The following DLG1 variants were observed in gnomAD, a reference collection of about 807,000 sequenced individuals.
DLG1 encodes the protein disks large homolog 1.
DLG1 carries 42 observed loss-of-function variants against 123.4 expected under a neutral mutation model. That is an observed-to-expected ratio of 0.34 (90% CI 0.27 to 0.44). The LOEUF is 0.44. Ranked by LOEUF, DLG1 falls within the 20% of genes least tolerant of loss-of-function variation. The pLI, the probability that DLG1 is intolerant of heterozygous loss-of-function variation, is 1.00. For missense variants in DLG1, 942 were observed against 1,082.6 expected (o/e 0.87, Z 1.82); for synonymous variants, 317 against 356.2 (o/e 0.89, Z 1.24).
At chr3:197,201,090 A>G (rs1044697904) in intron 4 of DLG1, among the ~76,000 whole-genome samples, 4 of 152,214 alleles carry the variant, frequency 2.6e-5, no homozygotes, top group African/African-American at 7.2e-5. Context: ...AAAAAACTCT[A>G]AAGACTCCAC....
chr3:197,272,725 A>C (rs1425408247), intron 4 of DLG1, among the ~76,000 whole-genome samples: 3 of 151,952 alleles, frequency 2.0e-5, no homozygotes, highest in Admixed American at 6.5e-5. Context: ...AAGAAAAAAG[A>C]AGCACACAAG....
chr3:197,225,335 A>G (rs1372910777), intron 4 of DLG1, among the ~76,000 whole-genome samples: 1 of 152,236 alleles, frequency 6.6e-6, no homozygotes, highest in Non-Finnish European at 1.5e-5. Flanking sequence ...TATAGAACAC[A>G]TTACTAAATT....
chr3:197,140,293 T>G (rs1787316718), intron 7 of DLG1, 29 bp from the exon 8 acceptor site: 2 of 1,607,610 alleles, frequency 1.2e-6, no homozygotes, highest in South Asian at 2.2e-5. Flanking sequence ...AAATTGAGAC[T>G]GAATATGATT....
intron 4 of DLG1, among the ~76,000 whole-genome samples, chr3:197,233,616 C>T (rs1384209693): frequency 1.3e-5 from 2 of 152,164 alleles, no homozygotes; most frequent in Non-Finnish European, 2.9e-5. Flanking sequence ...AACCCCTGAC[C>T]TTGGGTGATC....
chr3:197,169,399 T>TG (rs1407668177), intron 5 of DLG1, among the ~76,000 whole-genome samples: 1 of 152,108 alleles, frequency 6.6e-6, no homozygotes, highest in Non-Finnish European at 1.5e-5. Context: ...ATGGTGGTAA[T>TG]GGACATATGA....
intron 5 of DLG1, among the ~76,000 whole-genome samples, chr3:197,175,664 A>C (rs563949097): frequency 1.3e-5 from 2 of 152,338 alleles, no homozygotes; most frequent in Admixed American, 1.3e-4. Context: ...AATATTTATC[A>C]AGTGCATTCT....
intron 4 of DLG1, among the ~76,000 whole-genome samples, chr3:197,217,486 T>C (rs1360160540): frequency 6.6e-6 from 1 of 152,182 alleles, no homozygotes; most frequent in African/African-American, 2.4e-5. Flanking sequence ...ATATTTCATG[T>C]TCATGTAGGG....
At chr3:197,264,408 G>C (rs1045328218) in intron 4 of DLG1, among the ~76,000 whole-genome samples, 1 of 152,058 alleles carries the variant, frequency 6.6e-6, no homozygotes, top group African/African-American at 2.4e-5. Context: ...ATACTCGTTG[G>C]AGCATTTCAG....
At chr3:197,248,534 G>C (rs565721249) in intron 4 of DLG1, among the ~76,000 whole-genome samples, 1 of 152,284 alleles carries the variant, frequency 6.6e-6, no homozygotes, top group African/African-American at 2.4e-5. Flanking sequence ...TTCTCAGCAA[G>C]GCAAATTTCA....
intron 8 of DLG1, among the ~76,000 whole-genome samples, chr3:197,139,172 T>C (rs930416235): frequency 5.3e-5 from 8 of 152,146 alleles, no homozygotes; most frequent in Non-Finnish European, 1.2e-4. Context: ...GTCTCTTTGA[T>C]TGCATGGTAT....
intron 14 of DLG1, among the ~76,000 whole-genome samples, chr3:197,097,857 G>A (rs1268362027): frequency 6.6e-6 from 1 of 151,672 alleles, no homozygotes; most frequent in African/African-American, 2.4e-5. Context: ...TGGAATTATA[G>A]GCGTGAGCCA....
At chr3:197,245,375 T>C (rs886111985) in intron 4 of DLG1, among the ~76,000 whole-genome samples, 3 of 152,196 alleles carry the variant, frequency 2.0e-5, no homozygotes, top group African/African-American at 7.2e-5. Context: ...CACCAGTAGA[T>C]ACTTTAGGCG....
intron 13 of DLG1, among the ~76,000 whole-genome samples, chr3:197,114,487 TGA>T (rs1306699400): frequency 3.9e-4 from 60 of 152,200 alleles, no homozygotes; most frequent in African/African-American, 1.4e-3. Flanking sequence ...AATTCTAGAT[TGA>T]ACTAACTTTT....
At chr3:197,160,555 AT>A (rs1413771286) in intron 5 of DLG1, among the ~76,000 whole-genome samples, 4 of 152,026 alleles carry the variant, frequency 2.6e-5, no homozygotes, top group African/African-American at 9.7e-5. Flanking sequence ...TTATGACTTA[AT>A]TTTTAATTAT....
chr3:197,171,674 GAA>G (rs1355011063), intron 5 of DLG1, among the ~76,000 whole-genome samples: 1 of 152,084 alleles, frequency 6.6e-6, no homozygotes, highest in African/African-American at 2.4e-5. Context: ...CCTCCATTAT[GAA>G]AAGACAGTAT....
chr3:197,242,248 A>G (rs926156388), intron 4 of DLG1, among the ~76,000 whole-genome samples: 1 of 152,160 alleles, frequency 6.6e-6, no homozygotes, highest in African/African-American at 2.4e-5. Context: ...GCAAGAGGAT[A>G]TAACAATTAT....
intron 4 of DLG1, among the ~76,000 whole-genome samples, chr3:197,249,662 T>G (rs1753427009): frequency 6.6e-6 from 1 of 152,148 alleles, no homozygotes; most frequent in Non-Finnish European, 1.5e-5. Flanking sequence ...ATGCAAAATC[T>G]TCAACAAAAT....
At chr3:197,234,231 G>A (rs545976327) in intron 4 of DLG1, among the ~76,000 whole-genome samples, 62 of 152,320 alleles carry the variant, frequency 4.1e-4, no homozygotes, top group African/African-American at 1.4e-3. Flanking sequence ...TTTTTAACGA[G>A]CTCCCTGTCC....
chr3:197,131,449 A>G (rs1288825077), intron 10 of DLG1, among the ~76,000 whole-genome samples: 1 of 152,070 alleles, frequency 6.6e-6, no homozygotes, highest in South Asian at 2.1e-4. Flanking sequence ...TCTGTATAGA[A>G]ATATAACTGA....
Sources: gnomAD v4.1 joint callset for allele counts (sites outside exome capture counted in the v4.1 genomes callset) on GRCh38, gnomAD v4.1.1 for gene constraint, MANE v1.5 for transcripts, NCBI Gene and HGNC (gene_info 2026-07-23, HGNC 2026-07-21) for gene names.